Variants in RIC3 observed in about 807,000 individuals in gnomAD.
RIC3 encodes RIC3 acetylcholine receptor chaperone.
RIC3 carries 28 observed loss-of-function variants against 27.3 expected under a neutral mutation model. That is an observed-to-expected ratio of 1.02 (90% CI 0.76 to 1.41). RIC3 has a LOEUF of 1.41. Among genes scored for constraint, RIC3 ranks in the 40% most tolerant of loss-of-function variants. The pLI, the probability that RIC3 is intolerant of heterozygous loss-of-function variation, is 0.00. For synonymous variants in RIC3, 184 were observed against 160.4 expected (o/e 1.15, Z -1.11); for missense variants, 501 against 444.7 (o/e 1.13, Z -1.14).
In RIC3 at chr11:8,168,902, G is replaced by A. The variant is rs867322360; in HGVS notation, c.88C>T (p.Arg30Cys). 7.4e-6 allele frequency: 12 copies of A among 1,611,804 alleles called. 2 individuals are homozygous for A. In the Middle Eastern group the frequency reaches 2.0e-3, roughly 267 times the overall value. ...SLLLPKAFLSRGKRQEPPPTP... is the reference protein window; with the variant it reads ...SLLLPKAFLSCGKRQEPPPTP... Reference sequence around the variant, plus strand: ...GGCGGCGGCTCCTGCCGCTTCCCGCGGGACAGGAAGGCCTTGGGCAGCAGC... The same window carrying A: ...GGCGGCGGCTCCTGCCGCTTCCCGCAGGACAGGAAGGCCTTGGGCAGCAGC... The change falls in exon 1 of 6, where the codon CGC becomes TGC. Residue 30 changes from arginine to cysteine, a missense_variant. Coordinates refer to ENST00000309737, the MANE Select transcript of RIC3 (RefSeq NM_001206671.4).
intron 5 of RIC3, among the ~76,000 whole-genome samples, chr11:8,121,766 T>G (rs1424716567): frequency 1.3e-5 from 2 of 152,210 alleles, no homozygotes; most frequent in African/African-American, 4.8e-5. Flanking sequence ...TTATAAATAT[T>G]TTTCCAGTTT....
In RIC3 at chr11:8,149,702, G is replaced by A. The variant is rs188360212; in HGVS notation, c.125-9509C>T. ...ACTGATGGGTCATCTCTTGGCCAAC[G>A]GGACCCCAAAGTAACCTTGAAAACT... On this transcript the variant is annotated intron_variant, in intron 1 of 5. Coordinates refer to ENST00000309737, the MANE Select transcript of RIC3 (RefSeq NM_001206671.4). Among the ~76,000 whole-genome samples, 37 of 152,230 alleles carry A rather than the reference G, an allele frequency of 2.4e-4. No homozygotes were observed. The East Asian group carries it at 6.6e-3, about 27-fold the overall frequency.
intron 5 of RIC3, among the ~76,000 whole-genome samples, chr11:8,112,170 A>G (rs1033829690): frequency 1.3e-5 from 2 of 152,260 alleles, no homozygotes; most frequent in Non-Finnish European, 2.9e-5. Context: ...TGAAAAAAAT[A>G]CAGGCTAGTT....
Position 8,110,762 on chromosome 11 carries a change from A to T in RIC3, c.1046T>A (p.Ile349Asn), listed in dbSNP as rs1305210009. The T allele has an allele frequency of 6.2e-7, 1 of 1,614,188 alleles. No homozygotes were observed. The highest frequency in any genetic ancestry group is 8.5e-7 in the Non-Finnish European group (1 of 1,180,032). ...GCCTGTATATGCTTTATCGGTGCTGATGCCCAACCCTTCATCTTTAAAGTC... is the reference window on the plus strand; with the variant it reads ...GCCTGTATATGCTTTATCGGTGCTGTTGCCCAACCCTTCATCTTTAAAGTC... ...SQDFKDEGLGISTDKAYTGSM... is the reference protein window; with the variant it reads ...SQDFKDEGLGNSTDKAYTGSM... Residue 349 changes from isoleucine (I) to asparagine (N), a missense_variant, in exon 6 of 6, where the codon ATC becomes AAC. Coordinates refer to ENST00000309737, the MANE Select transcript of RIC3 (RefSeq NM_001206671.4).
At chr11:8,114,466 C>T (rs760239446) in intron 5 of RIC3, among the ~76,000 whole-genome samples, 2 of 151,842 alleles carry the variant, frequency 1.3e-5, no homozygotes, top group Non-Finnish European at 2.9e-5. Context: ...ATTAGCCGGG[C>T]GTGGTGGCAG....
At chr11:8,098,746 C>T in the RIC3 span, 1 of 1,600,832 alleles carries the variant, frequency 6.2e-7, no homozygotes, top group Non-Finnish European at 8.6e-7. Context: ...ACTGATTGTG[C>T]CTTTATTTCA....
chr11:8,101,856 G>GA, downstream of RIC3: 2 of 482,850 alleles, frequency 4.1e-6, no homozygotes, highest in South Asian at 3.7e-5. Flanking sequence ...TTCTTTCCAT[G>GA]CCACGAGATC....
Position 8,137,365 on chromosome 11 carries a change from C to A in RIC3, c.521+13G>T. 1 of 1,606,838 alleles carries A rather than the reference C, an allele frequency of 6.2e-7. No homozygotes were observed. ...ATGAGAAATAGTCTGAGTCCCGTTA[C>A]ATGAAAACCTACCTCTCACCATTAG... On this transcript the variant is annotated intron_variant, in intron 4 of 5. Transcript: ENST00000309737.
chr11:8,097,531 C>A, the RIC3 span: 1 of 1,489,112 alleles, frequency 6.7e-7, no homozygotes, highest in Non-Finnish European at 9.3e-7. Context: ...CCTCTCAGTT[C>A]CTCAAAGAAA....
intron 4 of RIC3, among the ~76,000 whole-genome samples, chr11:8,129,327 G>A (rs1373924797): frequency 6.6e-6 from 1 of 151,926 alleles, no homozygotes; most frequent in Non-Finnish European, 1.5e-5. Context: ...CATGCCCTCA[G>A]GAAGTTGACC....
intron 1 of RIC3, among the ~76,000 whole-genome samples, chr11:8,141,618 A>G (rs1269473780): frequency 6.6e-6 from 1 of 151,426 alleles, no homozygotes; most frequent in Non-Finnish European, 1.5e-5. Flanking sequence ...AGACAGATCA[A>G]CGAGACAGAA....
At chr11:8,160,121 G>A (rs770649118) in intron 1 of RIC3, among the ~76,000 whole-genome samples, 1 of 152,184 alleles carries the variant, frequency 6.6e-6, no homozygotes, top group African/African-American at 2.4e-5. Flanking sequence ...TGACTTTTTA[G>A]GTGTGACAAT....
the RIC3 span, chr11:8,095,550 A>G: frequency 1.2e-6 from 2 of 1,613,186 alleles, no homozygotes; most frequent in Non-Finnish European, 8.5e-7. Flanking sequence ...CCCAAGGCCC[A>G]GTGCAGATTC....
intron 5 of RIC3, 96 bp downstream of exon 5, chr11:8,126,563 A>G (rs1947013045): frequency 7.2e-7 from 1 of 1,393,622 alleles, no homozygotes; most frequent in African/African-American, 1.5e-5. Flanking sequence ...TACTGTTTAT[A>G]TATTATACCT....
At chr11:8,148,869 C>A (rs1176461801) in intron 1 of RIC3, among the ~76,000 whole-genome samples, 1 of 151,724 alleles carries the variant, frequency 6.6e-6, no homozygotes, top group Non-Finnish European at 1.5e-5. Flanking sequence ...TGAAAAGATG[C>A]AAAATCTTTC....
At chr11:8,094,033 G>GT in the RIC3 span, 1 of 1,614,160 alleles carries the variant, frequency 6.2e-7, no homozygotes, top group Non-Finnish European at 8.5e-7. Context: ...ATCTGGGGAT[G>GT]TTTCCTGAGC....
intron 3 of RIC3, 76 bp from the exon 4 acceptor site, chr11:8,137,547 A>G: frequency 8.7e-7 from 1 of 1,152,622 alleles, no homozygotes; most frequent in African/African-American, 1.5e-5. Flanking sequence ...AAATTTTTAA[A>G]AAGCTATTGT....
At chr11:8,112,949 C>G (rs1945435854) in intron 5 of RIC3, among the ~76,000 whole-genome samples, 1 of 152,214 alleles carries the variant, frequency 6.6e-6, no homozygotes, top group African/African-American at 2.4e-5. Flanking sequence ...CTTTTTTATA[C>G]TGTGCCAAAT....
intron 4 of RIC3, among the ~76,000 whole-genome samples, chr11:8,136,961 G>A (rs1287070500): frequency 6.6e-6 from 1 of 152,004 alleles, no homozygotes; most frequent in Non-Finnish European, 1.5e-5. Flanking sequence ...TTTAAAAACT[G>A]ACAGTACATA....
Sources: gnomAD v4.1 joint callset for allele counts (sites outside exome capture counted in the v4.1 genomes callset) on GRCh38, gnomAD v4.1.1 for gene constraint, MANE v1.5 for transcripts, NCBI Gene and HGNC (gene_info 2026-07-23, HGNC 2026-07-21) for gene names.